CFAP46: variants seen among roughly 807,000 people sequenced by gnomAD.
The protein encoded by CFAP46 is cilia and flagella associated protein 46, also known as cilia- and flagella-associated protein 46.
In CFAP46, 245 loss-of-function variants were observed where a neutral mutation model predicts 325.7. The observed-to-expected ratio is 0.75, with a 90% CI of 0.68 to 0.84. The LOEUF is 0.84. CFAP46 is among the 40% of genes least tolerant of loss of function. The pLI, the probability that CFAP46 is intolerant of heterozygous loss-of-function variation, is 0.00. For synonymous variants in CFAP46, 1,523 were observed against 1,495.9 expected, an observed-to-expected ratio of 1.02 and a Z score of -0.42; for missense variants, 3,346 against 3,543.0, an observed-to-expected ratio of 0.94 and a Z score of 1.41.
intron 55 of CFAP46, among the ~76,000 whole-genome samples, chr10:132,811,648 C>T (rs1847583832): frequency 6.6e-6 from 1 of 152,190 alleles, no homozygotes; most frequent in Admixed American, 6.5e-5. Flanking sequence ...GGCTGTCCAG[C>T]TGCGTGAGGC....
chr10:132,851,016 G>A, intron 40 of CFAP46, 101 bp downstream of exon 40: 1 of 1,423,670 alleles, frequency 7.0e-7, no homozygotes, highest in African/African-American at 1.4e-5. Context: ...GCACCGCCAG[G>A]TGCACAGTGG....
Position 132,876,701 on chromosome 10 carries a change from C to G in CFAP46, c.4362+111G>C. 8.5e-7 allele frequency: 1 copy of G among 1,180,580 alleles called. No individual in the cohort carries two copies. The highest frequency in any genetic ancestry group is 1.2e-6 in the Non-Finnish European group (1 of 852,176). 73.1% of individuals were successfully genotyped at this position (1,180,580 alleles called of 1,614,324 possible). On this transcript the variant is annotated intron_variant, in intron 31 of 57. Coordinates refer to ENST00000368586, the MANE Select transcript of CFAP46 (RefSeq NM_001200049.3). This position sits in a 1 kb window ranked among gnomAD's most constrained non-coding sequence, Gnocchi z 4.1. ...GGCTGGGGGCTGATGGGACTCTGTC[C>G]TGTCCTCCTTTTTCTGGCTACAGTT...
intron 17 of CFAP46, 94 bp from the exon 18 acceptor site, chr10:132,913,352 GCA>G: frequency 2.2e-5 from 15 of 669,884 alleles, no homozygotes; most frequent in African/African-American, 3.6e-5. Flanking sequence ...GAACCAGGCT[GCA>G]GGGCAAGAAG....
Position 132,919,745 on chromosome 10 carries a change from C to T in CFAP46, c.1731-303G>A, listed in dbSNP as rs1309349731. Reference sequence around the variant, plus strand: ...GGGACAGGCCTCCCGGGGATGGTACCGACCGCAGGGTCGGTACCAAAAATC... The same window carrying T: ...GGGACAGGCCTCCCGGGGATGGTACTGACCGCAGGGTCGGTACCAAAAATC... On this transcript the variant is annotated intron_variant, in intron 14 of 57. Coordinates refer to ENST00000368586, the MANE Select transcript of CFAP46 (RefSeq NM_001200049.3). This position sits in a 1 kb window ranked among gnomAD's most constrained non-coding sequence, Gnocchi z 9.7. Among the ~76,000 whole-genome samples the T allele has an allele frequency of 3.9e-5, 6 of 152,136 alleles. No individual in the cohort carries two copies. The Middle Eastern group carries it at 0.014, about 345-fold the overall frequency.
intron 40 of CFAP46, among the ~76,000 whole-genome samples, 172 bp downstream of exon 40, chr10:132,850,945 C>T (rs1848530565): frequency 6.6e-6 from 1 of 152,216 alleles, no homozygotes; most frequent in African/African-American, 2.4e-5. Flanking sequence ...AATTCAGTCT[C>T]CTCAAATGGT....
At chr10:132,852,611 C>G (rs12766299) in intron 39 of CFAP46, among the ~76,000 whole-genome samples, 5 of 149,580 alleles carry the variant, frequency 3.3e-5, no homozygotes, top group Admixed American at 6.6e-5. Context: ...CAGACGCGGT[C>G]TGTTTCTCCA....
rs775786164 is a variant in CFAP46 at position 132,857,694 on chromosome 10, C to T, written c.5470G>A (p.Gly1824Arg). 2 of 1,613,530 alleles carry T rather than the reference C, an allele frequency of 1.2e-6. No individual in the cohort carries two copies. The highest frequency in any genetic ancestry group is 1.7e-6 in the Non-Finnish European group (2 of 1,179,878). Residue 1824 changes from glycine (G) to arginine (R), a missense_variant, in exon 39 of 58, where the codon GGG becomes AGG. Transcript: ENST00000368586. ...LAQGAVAEEE[G>R]RLHSIQGLYG... ...AAGCCCTGGATGCTGTGAAGCCTCC[C>T]TTCTTCCTCAGCTACGGCACCCTGG...
In CFAP46 at chr10:132,932,950, C is replaced by T. The variant is rs190207954; in HGVS notation, c.866+1802G>A. Among the ~76,000 whole-genome samples the T allele has an allele frequency of 8.5e-3, 1,299 of 152,344 alleles. 82 individuals are homozygous for T. Among genetic ancestry groups the T allele is most frequent in the Admixed American group, 0.079 (1,210 of 15,310 alleles). On this transcript the variant is annotated intron_variant, in intron 8 of 57. Coordinates refer to ENST00000368586, the MANE Select transcript of CFAP46 (RefSeq NM_001200049.3). ...TGTCCATTGTGTCCCTGCAGCTGCC[C>T]GCTAGATGAAGAGCAGCCGCCCACA...
Position 132,939,451 on chromosome 10 carries a change from C to A in CFAP46, c.372-698G>T, listed in dbSNP as rs1324425161. Among the ~76,000 whole-genome samples, 1 of 152,144 alleles carries A rather than the reference C, an allele frequency of 6.6e-6. No homozygotes were observed. Among genetic ancestry groups the A allele is most frequent in the Non-Finnish European group, 1.5e-5 (1 of 68,002 alleles). On this transcript the variant is annotated intron_variant, in intron 4 of 57. Transcript: ENST00000368586. The surrounding 1 kb of genome is among the most constrained non-coding windows in gnomAD (Gnocchi z 4.6). ...CCATCTGCCCTTCTCACTCTAGGGC[C>A]ACTCCACAGTGGGGCAGGCCAGCTC...
At chr10:132,853,573 T>TA (rs1241612558) in intron 39 of CFAP46, among the ~76,000 whole-genome samples, 1 of 152,224 alleles carries the variant, frequency 6.6e-6, no homozygotes, top group African/African-American at 2.4e-5. Flanking sequence ...GTTTCTAGAA[T>TA]AATTTGTGTA....
rs575269890 is a variant in CFAP46, at chr10:132,918,492, C to T, written c.1887G>A (p.Ser629=). ...CAGGCTGGCTCCAGGTGTCCTGCAC[C>T]GAGCCGTCCCTACCTCGCTTCTTCT... ...RGKKKRGRDG[S]VQDTWSQPEV... The change falls in exon 16 of 58, where the codon TCG becomes TCA. Residue 629 remains serine (S), a synonymous_variant. Coordinates refer to ENST00000368586, the MANE Select transcript of CFAP46 (RefSeq NM_001200049.3). 92 of 1,533,386 alleles carry T rather than the reference C, an allele frequency of 6.0e-5. No homozygotes were observed. In the African/African-American group the frequency reaches 7.7e-4, roughly 13 times the overall value. The allele number at this position is 1,533,386 out of a possible 1,614,324, so 95.0% of individuals were successfully genotyped here. A position where few individuals can be genotyped will look rare whatever the true frequency, so the allele number is the denominator to read the frequency against.
chr10:132,913,162 G>A lies in CFAP46; in HGVS notation c.2217C>T (p.Asn739=), dbSNP rs751927014. Residue 739 remains asparagine, a synonymous_variant, in exon 18 of 58, where the codon AAC becomes AAT. Coordinates refer to ENST00000368586, the MANE Select transcript of CFAP46 (RefSeq NM_001200049.3). ...TGTGGTTCAGGACGTAGACCACGGC[G>A]TTCTGCACAATCCACGCCTCCTGGA... The part of the protein sequence containing the change: ...QEIQEAWIVQ[N]AVVYVLNHNH... 7.7e-6 allele frequency: 12 copies of A among 1,550,330 alleles called. No individual in the cohort carries two copies. The highest frequency in any genetic ancestry group is 5.5e-5 in the African/African-American group (4 of 73,054).
At chr10:132,865,773 G>A (rs115970314) in intron 35 of CFAP46, among the ~76,000 whole-genome samples, 2,100 of 152,328 alleles carry the variant, frequency 0.014, 51 homozygotes, top group African/African-American at 0.048. Flanking sequence ...CAAGAGAAAC[G>A]AGAGGTTGCA....
At position 132,884,229 on chromosome 10, in the gene CFAP46, C is replaced by T. The variant is rs1218445928; in HGVS notation, c.3627+874G>A. ...CCGAGGAACGACGTGGCCTCTGGTT[C>T]CCCGGAGCGAGGAGCAGTGGCTCCC... On this transcript the variant is annotated intron_variant, in intron 27 of 57. Transcript: ENST00000368586. The surrounding 1 kb of genome is among the most constrained non-coding windows in gnomAD (Gnocchi z 5.4). Among the ~76,000 whole-genome samples, 4 of 152,140 alleles carry T rather than the reference C, an allele frequency of 2.6e-5. No individual in the cohort carries two copies. The East Asian group carries it at 5.8e-4, about 22-fold the overall frequency.
chr10:132,865,100 C>T (rs1470253530), intron 35 of CFAP46, among the ~76,000 whole-genome samples: 1 of 152,186 alleles, frequency 6.6e-6, no homozygotes, highest in Non-Finnish European at 1.5e-5. Context: ...TTCAAAACAT[C>T]GACAGGCTGT....
chr10:132,941,957 C>G (rs1564808111), intron 2 of CFAP46, 23 bp downstream of exon 2: 1 of 1,550,926 alleles, frequency 6.4e-7, no homozygotes, highest in Non-Finnish European at 8.7e-7. Context: ...CTGCCCTGAC[C>G]GAGGATCCCG....
In CFAP46 at chr10:132,889,732, CG is replaced by C. The variant is rs1230200783; in HGVS notation, c.3304+2600del. Among the ~76,000 whole-genome samples, 1 of 152,190 alleles carries C rather than the reference CG, an allele frequency of 6.6e-6. No individual in the cohort carries two copies. The highest frequency in any genetic ancestry group is 2.4e-5 in the African/African-American group (1 of 41,436). Reference sequence around the variant, plus strand: ...TTCCTGTGGACCGTCTCCTCCTCCCCGGAGGCCGTCAGCTCCATGGTGCCTC... The same window carrying C: ...TTCCTGTGGACCGTCTCCTCCTCCCCGAGGCCGTCAGCTCCATGGTGCCTC... On this transcript the variant is annotated intron_variant, in intron 25 of 57. Transcript: ENST00000368586. This position sits in a 1 kb window ranked among gnomAD's most constrained non-coding sequence, Gnocchi z 6.0.
chr10:132,904,992 T>C (rs1333928005), intron 22 of CFAP46, among the ~76,000 whole-genome samples: 1 of 152,162 alleles, frequency 6.6e-6, no homozygotes, highest in Non-Finnish European at 1.5e-5. Flanking sequence ...CGCCAGCCTC[T>C]CATCTTCTGG....
At position 132,924,884 on chromosome 10, in the gene CFAP46, G is replaced by A. The variant is rs1849784651; in HGVS notation, c.1068C>T (p.Ala356=). The change falls in exon 11 of 58, where the codon GCC becomes GCT. Residue 356 remains alanine (A), a splice_region_variant and synonymous_variant. Coordinates refer to ENST00000368586, the MANE Select transcript of CFAP46 (RefSeq NM_001200049.3). ...MKVYNRAAVE[A]QLDIIQRLDV... is the part of the protein sequence containing the mutation. The stretch of plus-strand genomic sequence containing the variant: ...CTAGCCTCTGTATGATATCCAGCTG[G>A]GCCTGCGGAGAAGACGTGGGGGATT... The A allele has an allele frequency of 7.3e-7, 1 of 1,378,602 alleles. No homozygotes were observed. The highest frequency in any genetic ancestry group is 1.5e-5 in the African/African-American group (1 of 65,736). The allele number at this position is 1,378,602 out of a possible 1,614,324, so 85.4% of individuals were successfully genotyped here.
Sources: gnomAD v4.1 joint callset for allele counts (sites outside exome capture counted in the v4.1 genomes callset) on GRCh38, gnomAD v4.1.1 for gene constraint, Gnocchi (gnomAD v3.1) non-coding constraint, MANE v1.5 for transcripts, NCBI Gene and HGNC (gene_info 2026-07-23, HGNC 2026-07-21) for gene names.